The following SLF2 variants were observed in gnomAD, a reference collection of about 807,000 sequenced individuals.
The protein encoded by SLF2 is SMC5-SMC6 complex localization factor protein 2.
SLF2 carries 68 observed loss-of-function variants against 124.3 expected under a neutral mutation model. The ratio of observed to expected loss-of-function variants is 0.55; its 90% CI spans 0.45 to 0.67. The LOEUF (loss-of-function observed/expected upper bound fraction) is 0.67, where lower values mean the gene tolerates loss of function less well. Ranked by LOEUF, SLF2 falls within the 30% of genes least tolerant of loss-of-function variation. The pLI, the probability that SLF2 is intolerant of heterozygous loss-of-function variation, is 0.00. For missense variants in SLF2, 1,246 were observed against 1,373.7 expected (o/e 0.91, Z 1.47); for synonymous variants, 480 against 478.8 (o/e 1.00, Z -0.03).
intron 6 of SLF2, among the ~76,000 whole-genome samples, chr10:100,927,267 C>T (rs1271029572): frequency 5.9e-5 from 9 of 152,018 alleles, no homozygotes; most frequent in African/African-American, 2.2e-4. Context: ...CCTCTTCCTC[C>T]CACCCTCAGC....
Position 100,924,670 on chromosome 10 carries a change from C to G in SLF2, c.1669C>G (p.Pro557Ala). 2.5e-6 allele frequency: 4 copies of G among 1,614,098 alleles called. No individual in the cohort carries two copies. The highest frequency in any genetic ancestry group is 3.4e-6 in the Non-Finnish European group (4 of 1,180,020). ...SEYGTPTKSP[P>A]AALEVVPCIP... The stretch of plus-strand genomic sequence containing the variant: ...ATATGGCACTCCTACAAAGTCTCCC[C>G]CTGCTGCTTTGGAAGTTGTGCCATG... Residue 557 changes from proline (P) to alanine (A), a missense_variant, in exon 5 of 20, where the codon CCT (proline) becomes GCT (alanine). Around this residue, in one of 3 missense-constraint regions of SLF2, gnomAD observed 698 missense variants for 708.9 expected, o/e 0.98. Coordinates refer to ENST00000238961, the MANE Select transcript of SLF2 (RefSeq NM_018121.4).
At position 100,924,599 on chromosome 10, in the gene SLF2, C is replaced by T. The variant is rs749111082; in HGVS notation, c.1598C>T (p.Ser533Phe). Reference sequence around the variant, plus strand: ...AAAGCAAAGACTAATAAGGCCGATTCTAATGTATCTTCAGGGAAAATTTCT... The same window carrying T: ...AAAGCAAAGACTAATAAGGCCGATTTTAATGTATCTTCAGGGAAAATTTCT... ...EHKAKTNKADSNVSSGKISGG... is the reference protein window; with the variant it reads ...EHKAKTNKADFNVSSGKISGG... The change falls in exon 5 of 20, where the codon TCT becomes TTT. Residue 533 changes from serine (S) to phenylalanine (F), a missense_variant. Coordinates refer to ENST00000238961, the MANE Select transcript of SLF2 (RefSeq NM_018121.4). 29 of 1,613,978 alleles carry T rather than the reference C, an allele frequency of 1.8e-5. No homozygotes were observed. Among genetic ancestry groups the T allele is most frequent in the African/African-American group, 4.0e-5 (3 of 74,922 alleles).
chr10:100,955,183 G>A (rs1850306665), intron 17 of SLF2, among the ~76,000 whole-genome samples: 1 of 151,358 alleles, frequency 6.6e-6, no homozygotes, highest in South Asian at 2.1e-4. Flanking sequence ...CTTGTGATCT[G>A]CCCGCCTCGG....
At chr10:100,937,625 T>G (rs1849890866) in intron 10 of SLF2, 148 bp downstream of exon 10, 1 of 607,602 alleles carries the variant, frequency 1.6e-6, no homozygotes, top group African/African-American at 1.9e-5. Context: ...TTGGTTTTTT[T>G]TTTGAGACAG....
chr10:100,940,695 CTCTT>C (rs1849953670), intron 11 of SLF2, among the ~76,000 whole-genome samples: 1 of 150,604 alleles, frequency 6.6e-6, no homozygotes, highest in Admixed American at 6.6e-5. Flanking sequence ...ACTCACTGTT[CTCTT>C]TCTTTTCTTC....
At chr10:100,950,653 A>G in intron 16 of SLF2, 23 bp from the exon 17 acceptor site, 1 of 1,584,298 alleles carries the variant, frequency 6.3e-7, no homozygotes, top group East Asian at 2.2e-5. Context: ...CATAGGTGTT[A>G]ATTTTATTCA....
chr10:100,923,352 C>T (rs1849554616), intron 4 of SLF2, among the ~76,000 whole-genome samples: 1 of 152,098 alleles, frequency 6.6e-6, no homozygotes, highest in Admixed American at 6.6e-5. Flanking sequence ...TGCCTGCAAT[C>T]TTTGGCATTT....
At chr10:100,928,254 T>G (rs1849657559) in intron 6 of SLF2, among the ~76,000 whole-genome samples, 1 of 152,146 alleles carries the variant, frequency 6.6e-6, no homozygotes, top group Non-Finnish European at 1.5e-5. Flanking sequence ...TCAGCTGACT[T>G]GATTACATGG....
At chr10:100,955,789 C>T (rs1310478020) in intron 17 of SLF2, among the ~76,000 whole-genome samples, 15 of 152,082 alleles carry the variant, frequency 9.9e-5, no homozygotes, top group African/African-American at 3.4e-4. Context: ...CACTTGTAAT[C>T]CCAGCTACTC....
intron 8 of SLF2, 40 bp downstream of exon 8, chr10:100,930,037 A>C: frequency 7.5e-7 from 1 of 1,333,056 alleles, no homozygotes; most frequent in Non-Finnish European, 1.0e-6. Context: ...ATATGTATAA[A>C]AAATTACTCT....
intron 1 of SLF2, among the ~76,000 whole-genome samples, chr10:100,914,622 C>T (rs1018952021): frequency 3.9e-5 from 6 of 152,162 alleles, no homozygotes; most frequent in African/African-American, 1.4e-4. Context: ...AAGGTATCAT[C>T]CTTCTTCCCT....
chr10:100,938,598 C>T lies in SLF2; in HGVS notation c.2516C>T (p.Thr839Ile), dbSNP rs199671985. ...TLMEITIRNDTFSDSPVWPWI... is the reference protein window; with the variant it reads ...TLMEITIRNDIFSDSPVWPWI... ...AATGTTTTCTTCTGTTAATTAGATA[C>T]CTTCAGTGACTCACCAGTTTGGCCA... The change falls in exon 11 of 20, where the codon ACC (threonine) becomes ATC (isoleucine). Residue 839 changes from threonine to isoleucine, a missense_variant. By Grantham distance (89) the Thr-to-Ile change is moderately conservative. Around this residue, in one of 3 missense-constraint regions of SLF2, gnomAD observed 535 missense variants for 632.8 expected, o/e 0.85. Transcript: ENST00000238961. 1.2e-6 allele frequency: 2 copies of T among 1,606,282 alleles called. No individual in the cohort carries two copies. Among genetic ancestry groups the T allele is most frequent in the African/African-American group, 1.3e-5 (1 of 74,474 alleles).
intron 9 of SLF2, among the ~76,000 whole-genome samples, chr10:100,935,971 C>G (rs915142036): frequency 2.0e-5 from 3 of 150,088 alleles, no homozygotes; most frequent in Non-Finnish European, 4.4e-5. Flanking sequence ...TGATCCTCCC[C>G]CCTCAGCCCC....
At chr10:100,956,561 CTTTTTTTT>C in intron 18 of SLF2, 24 bp downstream of exon 18, 2 of 1,229,000 alleles carry the variant, frequency 1.6e-6, no homozygotes, top group Non-Finnish European at 2.2e-6. Flanking sequence ...TTCTTTTTTT[CTTTTTTTT>C]TTTCTTAATC....
intron 11 of SLF2, among the ~76,000 whole-genome samples, chr10:100,941,166 T>C (rs928446466): frequency 1.3e-5 from 2 of 152,098 alleles, no homozygotes; most frequent in African/African-American, 4.8e-5. Flanking sequence ...TAACCAGGAC[T>C]CACAGCTTAC....
Position 100,924,395 on chromosome 10 carries a change from C to T in SLF2, c.1394C>T (p.Thr465Met), listed in dbSNP as rs768453131. Reference sequence around the variant, plus strand: ...CAGAAAAATAAAACCGCTAGCTCCACGACAAAGGAGAAGGAGACAAAACTA... The same window carrying T: ...CAGAAAAATAAAACCGCTAGCTCCATGACAAAGGAGAAGGAGACAAAACTA... ...NLQKNKTASS[T>M]TKEKETKLPL... Residue 465 changes from threonine (T) to methionine (M), a missense_variant, in exon 5 of 20, where the codon ACG (threonine) becomes ATG (methionine). By Grantham distance (81) the Thr-to-Met change is moderately conservative. Around this residue, in one of 3 missense-constraint regions of SLF2, gnomAD observed 698 missense variants for 708.9 expected, o/e 0.98. Coordinates refer to ENST00000238961, the MANE Select transcript of SLF2 (RefSeq NM_018121.4). 1.1e-5 allele frequency: 18 copies of T among 1,614,126 alleles called. 1 individual carries two copies. The East Asian group carries it at 3.1e-4, about 28-fold the overall frequency.
chr10:100,913,327 T>C, intron 1 of SLF2, 77 bp downstream of exon 1: 1 of 1,377,024 alleles, frequency 7.3e-7, no homozygotes. Context: ...ACCGCCGCTC[T>C]TCCAGTTCCC....
intron 15 of SLF2, among the ~76,000 whole-genome samples, chr10:100,948,394 G>A (rs11595182): frequency 0.066 from 10,060 of 152,284 alleles, 478 homozygotes; most frequent in Non-Finnish European, 0.1. Flanking sequence ...TACTTGGGAG[G>A]CTGAGGCCAG....
At chr10:100,956,918 C>G (rs1056957439) in intron 18 of SLF2, among the ~76,000 whole-genome samples, 1 of 152,124 alleles carries the variant, frequency 6.6e-6, no homozygotes, top group Admixed American at 6.5e-5. Flanking sequence ...GAGTAGGACT[C>G]TGTCTCGAAA....
Sources: allele counts gnomAD v4.1 joint callset (sites outside exome capture counted in the v4.1 genomes callset), GRCh38; gene constraint gnomAD v4.1.1; regional missense constraint gnomAD v4.1.1; transcripts MANE v1.5; gene names NCBI Gene and HGNC (gene_info 2026-07-23, HGNC 2026-07-21).